ANO2: variants seen among roughly 807,000 people sequenced by gnomAD.
ANO2 encodes anoctamin 2.
Under a neutral mutation model 124.2 loss-of-function variants are expected in ANO2, and 101 were observed. The ratio of observed to expected loss-of-function variants is 0.81; its 90% CI spans 0.69 to 0.96. The LOEUF (loss-of-function observed/expected upper bound fraction) is 0.96, where lower values mean the gene tolerates loss of function less well. Among genes scored for constraint, ANO2 ranks in the 40% least tolerant of loss-of-function variants. ANO2 has a pLI of 0.00. For missense variants in ANO2, 1,293 were observed against 1,274.5 expected, an observed-to-expected ratio of 1.01 and a Z score of -0.22; for synonymous variants, 486 against 482.5, an observed-to-expected ratio of 1.01 and a Z score of -0.09.
intron 1 of ANO2, among the ~76,000 whole-genome samples, chr12:5,927,479 T>G (rs547390830): frequency 1.3e-5 from 2 of 151,988 alleles, no homozygotes; most frequent in African/African-American, 4.8e-5. Context: ...GTTTTCAGAG[T>G]CTCCCCAAAC....
At chr12:5,872,072 G>T (rs1937738196) in intron 3 of ANO2, among the ~76,000 whole-genome samples, 2 of 152,178 alleles carry the variant, frequency 1.3e-5, no homozygotes, top group South Asian at 2.1e-4. Context: ...CTAGCTCTAG[G>T]ATGTCAGCCA....
chr12:5,793,846 C>G (rs902795027), intron 10 of ANO2, among the ~76,000 whole-genome samples: 2 of 152,206 alleles, frequency 1.3e-5, no homozygotes, highest in African/African-American at 4.8e-5. Flanking sequence ...TGTACTCCAA[C>G]TCCTGTTTCC....
At chr12:5,570,292 G>A (rs1565421983) in intron 23 of ANO2, among the ~76,000 whole-genome samples, 1 of 152,054 alleles carries the variant, frequency 6.6e-6, no homozygotes, top group Non-Finnish European at 1.5e-5. Context: ...ATAGAAAAAT[G>A]CCTAGAGAAC....
At chr12:5,892,899 T>C (rs1939508185) in intron 3 of ANO2, among the ~76,000 whole-genome samples, 1 of 152,228 alleles carries the variant, frequency 6.6e-6, no homozygotes, top group African/African-American at 2.4e-5. Flanking sequence ...TTCTTTGAAA[T>C]GTTTGACAAC....
chr12:5,688,469 A>T (rs1475312380), intron 14 of ANO2, among the ~76,000 whole-genome samples: 2 of 152,222 alleles, frequency 1.3e-5, no homozygotes, highest in Non-Finnish European at 2.9e-5. Context: ...CAATCCTTAA[A>T]GCCCCAGCTG....
intron 3 of ANO2, among the ~76,000 whole-genome samples, chr12:5,878,322 C>A (rs1226655998): frequency 2.0e-5 from 3 of 152,204 alleles, no homozygotes; most frequent in Non-Finnish European, 4.4e-5. Context: ...TGGTGAGGAT[C>A]ACACATTAAG....
At chr12:5,903,664 T>TGTG (rs1940471714) in intron 3 of ANO2, among the ~76,000 whole-genome samples, 1 of 151,716 alleles carries the variant, frequency 6.6e-6, no homozygotes, top group South Asian at 2.1e-4. Flanking sequence ...TGTGTGTGTG[T>TGTG]GTGTGTGTGT....
intron 20 of ANO2, among the ~76,000 whole-genome samples, chr12:5,587,233 T>C (rs888639533): frequency 1.3e-5 from 2 of 152,208 alleles, no homozygotes; most frequent in Admixed American, 6.5e-5. Flanking sequence ...GAAGCTTCCA[T>C]CACAATTTAG....
intron 1 of ANO2, among the ~76,000 whole-genome samples, chr12:5,941,060 G>C (rs1044778830): frequency 1.3e-5 from 2 of 152,202 alleles, no homozygotes; most frequent in Admixed American, 1.3e-4. Flanking sequence ...GCATATCCAT[G>C]GAGACAGAAA....
chr12:5,625,945 T>C (rs921410671), intron 16 of ANO2, among the ~76,000 whole-genome samples: 3 of 152,034 alleles, frequency 2.0e-5, no homozygotes, highest in African/African-American at 7.2e-5. Context: ...CCTTCAACAT[T>C]TGTTGGGAAA....
intron 3 of ANO2, among the ~76,000 whole-genome samples, chr12:5,896,144 T>C (rs896401315): frequency 9.2e-5 from 14 of 151,962 alleles, no homozygotes; most frequent in Admixed American, 9.2e-4. Context: ...GGGTGAGGTA[T>C]AAAAGACTAC....
At chr12:5,874,443 G>T (rs992620559) in intron 3 of ANO2, among the ~76,000 whole-genome samples, 1 of 152,208 alleles carries the variant, frequency 6.6e-6, no homozygotes, top group Non-Finnish European at 1.5e-5. Flanking sequence ...CTCCAGAGCT[G>T]CAGGCTTCTT....
intron 10 of ANO2, among the ~76,000 whole-genome samples, chr12:5,755,167 A>G (rs985045128): frequency 5.9e-5 from 9 of 151,710 alleles, no homozygotes; most frequent in Non-Finnish European, 1.3e-4. Flanking sequence ...TGACCTAGAT[A>G]TAGTACTCTT....
chr12:5,610,342 C>A (rs1944449087), intron 19 of ANO2, among the ~76,000 whole-genome samples: 1 of 47,718 alleles, frequency 2.1e-5, no homozygotes, highest in Non-Finnish European at 3.5e-5. Flanking sequence ...TATATTTATA[C>A]ATAAATATAT....
chr12:5,902,934 G>A (rs1190817932), intron 3 of ANO2, among the ~76,000 whole-genome samples: 2 of 141,166 alleles, frequency 1.4e-5, no homozygotes, highest in Non-Finnish European at 3.1e-5. Context: ...CACAAAGGTG[G>A]GTGACTTATT....
intron 14 of ANO2, among the ~76,000 whole-genome samples, chr12:5,714,297 T>C (rs1016280507): frequency 5.9e-5 from 9 of 152,218 alleles, no homozygotes; most frequent in African/African-American, 2.2e-4. Flanking sequence ...TCAGATGGAA[T>C]GCGTTCCCCT....
chr12:5,859,186 A>T (rs2137262466), intron 3 of ANO2, among the ~76,000 whole-genome samples: 1 of 152,382 alleles, frequency 6.6e-6, no homozygotes, highest in East Asian at 1.9e-4. Context: ...CAGTTCGTGT[A>T]AAATGAGCTG....
intron 15 of ANO2, among the ~76,000 whole-genome samples, chr12:5,644,994 G>A (rs770805565): frequency 6.6e-6 from 1 of 151,586 alleles, no homozygotes; most frequent in Non-Finnish European, 1.5e-5. Flanking sequence ...GACTTTTCTT[G>A]TGCCTTATAT....
At chr12:5,605,205 T>C (rs375328739) in intron 19 of ANO2, among the ~76,000 whole-genome samples, 2 of 152,342 alleles carry the variant, frequency 1.3e-5, no homozygotes, top group African/African-American at 4.8e-5. Context: ...CTATTCCTTT[T>C]CCTGATACCT....
Sources: allele counts gnomAD v4.1 joint callset (sites outside exome capture counted in the v4.1 genomes callset), GRCh38; gene constraint gnomAD v4.1.1; transcripts MANE v1.5; gene names NCBI Gene and HGNC (gene_info 2026-07-23, HGNC 2026-07-21).